Variants in LRRFIP2 observed in about 807,000 individuals in gnomAD.
LRRFIP2 encodes LRR binding FLII interacting protein 2.
Under a neutral mutation model 125.9 loss-of-function variants are expected in LRRFIP2, and 109 were observed. The ratio of observed to expected loss-of-function variants is 0.87; its 90% confidence interval spans 0.74 to 1.01. The LOEUF (loss-of-function observed/expected upper bound fraction) is 1.01, where lower values mean the gene tolerates loss of function less well. Ranked by LOEUF, LRRFIP2 falls within the 50% of genes least tolerant of loss-of-function variation. The probability of loss-of-function intolerance (pLI) is 0.00; values close to 1 mark genes in which losing one functional copy is unlikely to be tolerated. For missense variants in LRRFIP2, 850 were observed against 862.3 expected (o/e 0.99, Z 0.18); for synonymous variants, 291 against 293.1 (o/e 0.99, Z 0.07).
intron 21 of LRRFIP2, chr3:37,067,958 G>C (rs1281935491): frequency 1.3e-5 from 2 of 152,164 alleles, no homozygotes; most frequent in East Asian, 3.8e-4. Context: ...TGCTAGGAAA[G>C]GAGTCCATAC....
At chr3:37,135,488 G>C (rs1319427607) in intron 2 of LRRFIP2, among the ~76,000 whole-genome samples, 1 of 150,092 alleles carries the variant, frequency 6.7e-6, no homozygotes, top group Non-Finnish European at 1.5e-5. Context: ...TCCAGGAAAA[G>C]AGAACTAAAC....
At chr3:37,101,677 A>G (rs1318005682) in intron 15 of LRRFIP2, among the ~76,000 whole-genome samples, 1 of 150,676 alleles carries the variant, frequency 6.6e-6, no homozygotes, top group Non-Finnish European at 1.5e-5. Flanking sequence ...AGAAAAAAAA[A>G]AAAAAAAGAA....
chr3:37,107,930 G>A (rs2094404711), intron 13 of LRRFIP2, 143 bp downstream of exon 13: 2 of 546,186 alleles, frequency 3.7e-6, no homozygotes, highest in Non-Finnish European at 6.4e-6. Flanking sequence ...ACAAATTAGT[G>A]CTTGAGTTTA....
intron 13 of LRRFIP2, among the ~76,000 whole-genome samples, chr3:37,106,495 G>C (rs1272115870): frequency 6.6e-6 from 1 of 152,152 alleles, no homozygotes; most frequent in African/African-American, 2.4e-5. Flanking sequence ...CAGCCTATAA[G>C]GACAAGATCC....
intron 3 of LRRFIP2, among the ~76,000 whole-genome samples, chr3:37,128,674 T>A (rs1196059633): frequency 2.0e-5 from 3 of 152,222 alleles, no homozygotes; most frequent in Non-Finnish European, 4.4e-5. Flanking sequence ...CCTCTATTAT[T>A]AAATATGTTT....
intron 2 of LRRFIP2, chr3:37,135,045 TAGAC>T: frequency 2.1e-6 from 3 of 1,426,210 alleles, no homozygotes; most frequent in Non-Finnish European, 3.0e-6. Flanking sequence ...ATCCATAAAA[TAGAC>T]AGACGTAAAA....
intron 19 of LRRFIP2, among the ~76,000 whole-genome samples, chr3:37,081,473 G>T (rs1028432052): frequency 2.6e-5 from 4 of 152,016 alleles, no homozygotes; most frequent in African/African-American, 9.7e-5. Flanking sequence ...TAGTTGTTTA[G>T]AACAAGAGAG....
chr3:37,165,884 A>C (rs1421648759), intron 1 of LRRFIP2, among the ~76,000 whole-genome samples: 1 of 152,148 alleles, frequency 6.6e-6, no homozygotes, highest in Non-Finnish European at 1.5e-5. Flanking sequence ...GAAAAAACTC[A>C]AAATGGATCA....
At chr3:37,175,088 A>C (rs2096639521), upstream of LRRFIP2, 2 of 152,240 alleles carry the variant, frequency 1.3e-5, no homozygotes, top group Admixed American at 1.3e-4. Flanking sequence ...TTTCATATAG[A>C]TTTATCCTCA....
intron 19 of LRRFIP2, among the ~76,000 whole-genome samples, chr3:37,075,560 G>C (rs575990049): frequency 1.3e-5 from 2 of 152,180 alleles, no homozygotes; most frequent in South Asian, 2.1e-4. Context: ...AGAGAAATAG[G>C]ATTGAATAAA....
chr3:37,057,947 T>A (rs1032582171), intron 25 of LRRFIP2, among the ~76,000 whole-genome samples: 1 of 152,166 alleles, frequency 6.6e-6, no homozygotes, highest in Non-Finnish European at 1.5e-5. Context: ...GTAAAATGAA[T>A]AGAATAGACT....
chr3:37,073,443 C>A (rs2091578952), intron 20 of LRRFIP2, among the ~76,000 whole-genome samples: 1 of 151,904 alleles, frequency 6.6e-6, no homozygotes, highest in Non-Finnish European at 1.5e-5. Flanking sequence ...CTTAAATGAC[C>A]TTTCTAATTA....
At chr3:37,092,806 T>C (rs1355842177) in intron 17 of LRRFIP2, among the ~76,000 whole-genome samples, 1 of 152,162 alleles carries the variant, frequency 6.6e-6, no homozygotes, top group Non-Finnish European at 1.5e-5. Flanking sequence ...CAACCCATTT[T>C]CACAAGTAAG....
intron 2 of LRRFIP2, among the ~76,000 whole-genome samples, chr3:37,139,687 T>A (rs2095643725): frequency 2.0e-5 from 3 of 152,236 alleles, no homozygotes; most frequent in African/African-American, 7.2e-5. Context: ...TTTTATGATG[T>A]CCTCCCCAGG....
chr3:37,108,818 A>C, intron 11 of LRRFIP2, 134 bp from the exon 12 acceptor site: 1 of 608,368 alleles, frequency 1.6e-6, no homozygotes, highest in South Asian at 2.5e-5. Flanking sequence ...CAGAATGAAA[A>C]CCCTGAAGGC....
intron 23 of LRRFIP2, chr3:37,065,178 G>T (rs1053455340): frequency 2.0e-4 from 34 of 173,684 alleles, no homozygotes; most frequent in South Asian, 6.9e-4. Flanking sequence ...CTCTAGAGTA[G>T]ATTTCTTTGT....
Position 37,108,489 on chromosome 3 carries a change from ACAG to A in LRRFIP2, c.657+145_657+147del. 6.3e-6 allele frequency: 4 copies of A among 631,708 alleles called. No individual in the cohort carries two copies. The South Asian group carries it at 9.2e-5, about 14-fold the overall frequency. The allele number at this position is 631,708 out of a possible 1,614,324, so 39.1% of individuals were successfully genotyped here. On this transcript the variant is annotated intron_variant, in intron 12 of 27. Transcript: ENST00000336686. ...AACTGGCTAGCTCAATGACTTGATC[ACAG>A]CTTAGAGAGTAATTCCAGGTCAGAT...
intron 21 of LRRFIP2, among the ~76,000 whole-genome samples, chr3:37,069,279 T>TA (rs1006545041): frequency 8.5e-4 from 129 of 152,346 alleles, no homozygotes; most frequent in African/African-American, 3.0e-3. Context: ...CTTGAAGAGT[T>TA]ATTTGAATAC....
chr3:37,168,387 T>C (rs1429157200), intron 1 of LRRFIP2, among the ~76,000 whole-genome samples: 1 of 152,216 alleles, frequency 6.6e-6, no homozygotes, highest in South Asian at 2.1e-4. Context: ...CATGGATGAA[T>C]CTTGAAGACA....
Sources: gnomAD v4.1 joint callset for allele counts (sites outside exome capture counted in the v4.1 genomes callset) on GRCh38, gnomAD v4.1.1 for gene constraint, MANE v1.5 for transcripts, NCBI Gene and HGNC (gene_info 2026-07-23, HGNC 2026-07-21) for gene names.